STK3: variants seen among roughly 807,000 people sequenced by gnomAD.
STK3 encodes serine/threonine kinase 3, also known as serine/threonine-protein kinase 3.
In STK3, 41 loss-of-function variants were observed where a neutral mutation model predicts 58.0. The ratio of observed to expected loss-of-function variants is 0.71; its 90% CI spans 0.55 to 0.92. STK3 has a LOEUF of 0.92. Ranked by LOEUF, STK3 falls within the 40% of genes least tolerant of loss-of-function variation. The probability of loss-of-function intolerance (pLI) is 0.00; values close to 1 mark genes in which losing one functional copy is unlikely to be tolerated. For missense variants in STK3, 479 were observed against 602.7 expected, an observed-to-expected ratio of 0.79 and a Z score of 2.15; for synonymous variants, 170 against 191.0, an observed-to-expected ratio of 0.89 and a Z score of 0.91.
chr8:98,433,116 G>C (rs1386593952), intron 3 of STK3, among the ~76,000 whole-genome samples: 1 of 152,136 alleles, frequency 6.6e-6, no homozygotes, highest in African/African-American at 2.4e-5. Context: ...AGGAGAAGCT[G>C]TTGTTTATTC....
the STK3 span, among the ~76,000 whole-genome samples, chr8:98,358,738 GT>G: frequency 6.6e-6 from 1 of 152,246 alleles, no homozygotes; most frequent in South Asian, 2.1e-4. Context: ...AAATGCTATT[GT>G]TTTTTGCTGC....
intron 3 of STK3, among the ~76,000 whole-genome samples, chr8:98,839,355 T>C (rs1835876030): frequency 6.6e-6 from 1 of 152,204 alleles, no homozygotes; most frequent in Non-Finnish European, 1.5e-5. Context: ...GACTAACCTC[T>C]TCCTTAACTC....
intron 3 of STK3, among the ~76,000 whole-genome samples, chr8:98,402,220 G>A (rs1817949937): frequency 6.6e-6 from 1 of 152,124 alleles, no homozygotes; most frequent in African/African-American, 2.4e-5. Flanking sequence ...GAGAGTCAGA[G>A]CAGGGACCTG....
chr8:98,664,831 C>G (rs558165395), intron 6 of STK3, among the ~76,000 whole-genome samples: 14 of 151,674 alleles, frequency 9.2e-5, no homozygotes, highest in African/African-American at 3.1e-4. Context: ...ACCCGGGAGG[C>G]GGAGGTTGCA....
At chr8:98,382,938 T>C (rs1323441966) in intron 1 of STK3, among the ~76,000 whole-genome samples, 2 of 152,070 alleles carry the variant, frequency 1.3e-5, no homozygotes, top group African/African-American at 4.8e-5. Flanking sequence ...GCCGCCTGCC[T>C]CCCACAGAAG....
intron 1 of STK3, chr8:98,437,752 G>T (rs1294234860): frequency 2.0e-5 from 3 of 152,182 alleles, no homozygotes; most frequent in Non-Finnish European, 4.4e-5. Context: ...CACCAGGAGC[G>T]GCTACGTTGT....
At chr8:98,499,948 A>G (rs777404283) in intron 10 of STK3, among the ~76,000 whole-genome samples, 4 of 152,148 alleles carry the variant, frequency 2.6e-5, no homozygotes, top group Non-Finnish European at 5.9e-5. Context: ...ATCCTTGGAG[A>G]CAAGAGGGCA....
intron 4 of STK3, among the ~76,000 whole-genome samples, chr8:98,723,611 G>T (rs980990718): frequency 1.3e-5 from 2 of 151,950 alleles, no homozygotes; most frequent in Non-Finnish European, 2.9e-5. Context: ...TAAGTCTTTC[G>T]CAATGTTAGC....
intron 3 of STK3, among the ~76,000 whole-genome samples, chr8:98,847,385 A>G (rs1341060862): frequency 6.6e-6 from 1 of 152,090 alleles, no homozygotes; most frequent in Non-Finnish European, 1.5e-5. Flanking sequence ...TGCACTGTCA[A>G]CTCCATGAGC....
chr8:98,786,301 C>T (rs1288943592), intron 1 of STK3, among the ~76,000 whole-genome samples: 1 of 152,178 alleles, frequency 6.6e-6, no homozygotes, highest in Non-Finnish European at 1.5e-5. Context: ...AATCCCAACA[C>T]TTGAGGAGGC....
chr8:98,500,942 G>A (rs985672942), intron 10 of STK3, among the ~76,000 whole-genome samples: 2 of 152,100 alleles, frequency 1.3e-5, no homozygotes, highest in African/African-American at 2.4e-5. Context: ...GGATCTCTGG[G>A]TCAAATGGTA....
At chr8:98,511,475 G>A (rs1824509987) in intron 10 of STK3, among the ~76,000 whole-genome samples, 1 of 151,938 alleles carries the variant, frequency 6.6e-6, no homozygotes, top group African/African-American at 2.4e-5. Context: ...TCGCTTAAAG[G>A]AGAGCTAATT....
At chr8:98,771,872 G>A (rs1379027503) in intron 2 of STK3, among the ~76,000 whole-genome samples, 1 of 152,132 alleles carries the variant, frequency 6.6e-6, no homozygotes, top group East Asian at 1.9e-4. Context: ...CAGCGTGTAA[G>A]CCACTGCACC....
chr8:98,612,990 A>G (rs1408264985), intron 6 of STK3, among the ~76,000 whole-genome samples: 2 of 152,230 alleles, frequency 1.3e-5, no homozygotes, highest in Non-Finnish European at 2.9e-5. Flanking sequence ...TGATCCTCCC[A>G]CTACCCACTG....
At chr8:98,587,424 A>C (rs1327467706) in intron 7 of STK3, among the ~76,000 whole-genome samples, 4 of 152,116 alleles carry the variant, frequency 2.6e-5, no homozygotes, top group Non-Finnish European at 5.9e-5. Flanking sequence ...GAGATTCTTA[A>C]TCCTGAGTTC....
At chr8:98,569,066 G>GA (rs1812741375) in intron 8 of STK3, among the ~76,000 whole-genome samples, 1 of 152,146 alleles carries the variant, frequency 6.6e-6, no homozygotes, top group Non-Finnish European at 1.5e-5. Context: ...AACATTCAAA[G>GA]AATCAGGTAT....
intron 3 of STK3, among the ~76,000 whole-genome samples, chr8:98,410,570 A>G (rs1037815535): frequency 1.3e-5 from 2 of 152,244 alleles, no homozygotes; most frequent in African/African-American, 4.8e-5. Context: ...GTGGATATAT[A>G]AAGAAATAGA....
At chr8:98,837,423 C>A (rs940493276) in intron 3 of STK3, among the ~76,000 whole-genome samples, 2 of 151,542 alleles carry the variant, frequency 1.3e-5, no homozygotes, top group Non-Finnish European at 2.9e-5. Flanking sequence ...AATTCACCCT[C>A]CTTATACAGT....
At chr8:98,453,532 T>G (rs1442594920), downstream of STK3, among the ~76,000 whole-genome samples, 1 of 152,234 alleles carries the variant, frequency 6.6e-6, no homozygotes, top group African/African-American at 2.4e-5. Context: ...AATAAAACAA[T>G]GCCCATTCCT....
Sources: allele counts gnomAD v4.1 joint callset (sites outside exome capture counted in the v4.1 genomes callset), GRCh38; gene constraint gnomAD v4.1.1; transcripts MANE v1.5; gene names NCBI Gene and HGNC (gene_info 2026-07-23, HGNC 2026-07-21).